MOB3B: variants seen among roughly 807,000 people sequenced by gnomAD.
MOB3B encodes the protein MOB kinase activator-like 2B.
Under a neutral mutation model 18.7 loss-of-function variants are expected in MOB3B, and 7 were observed. The ratio of observed to expected loss-of-function variants is 0.37; its 90% CI spans 0.21 to 0.70. The LOEUF (loss-of-function observed/expected upper bound fraction) is 0.70. MOB3B is among the 30% of genes least tolerant of loss of function. The pLI is 0.52. For missense variants in MOB3B, 253 were observed against 281.3 expected, an observed-to-expected ratio of 0.90 and a Z score of 0.72; for synonymous variants, 111 against 99.9, an observed-to-expected ratio of 1.11 and a Z score of -0.66.
intron 1 of MOB3B, among the ~76,000 whole-genome samples, chr9:27,509,584 T>G (rs568705872): frequency 6.6e-6 from 1 of 151,126 alleles, no homozygotes; most frequent in South Asian, 2.1e-4. Context: ...GCCTGGCTAA[T>G]TTTTGTATTT....
chr9:27,376,543 G>A (rs1230931700), intron 2 of MOB3B, among the ~76,000 whole-genome samples: 1 of 152,226 alleles, frequency 6.6e-6, no homozygotes, highest in Non-Finnish European at 1.5e-5. Flanking sequence ...CTTCCTTTGA[G>A]TATAGCAGTG....
At chr9:27,386,027 G>A (rs1821646919) in intron 2 of MOB3B, among the ~76,000 whole-genome samples, 1 of 152,234 alleles carries the variant, frequency 6.6e-6, no homozygotes, top group Non-Finnish European at 1.5e-5. Context: ...TTGCTGTGCA[G>A]ACATGTGCAA....
chr9:27,409,659 C>A (rs551461259), intron 2 of MOB3B, among the ~76,000 whole-genome samples: 1 of 152,024 alleles, frequency 6.6e-6, no homozygotes, highest in South Asian at 2.1e-4. Context: ...GCATTACTTA[C>A]AATAGCCAAA....
intron 1 of MOB3B, among the ~76,000 whole-genome samples, chr9:27,506,418 T>A (rs1257549803): frequency 6.6e-6 from 1 of 152,196 alleles, no homozygotes; most frequent in South Asian, 2.1e-4. Context: ...GTCTGAAATG[T>A]CTCCTCTCAT....
chr9:27,506,584 T>G (rs1164006415), intron 1 of MOB3B, among the ~76,000 whole-genome samples: 1 of 151,610 alleles, frequency 6.6e-6, no homozygotes, highest in Non-Finnish European at 1.5e-5. Context: ...CAGGCTGGAG[T>G]GCAGTGGCTT....
rs951304236 is a variant in MOB3B, at chr9:27,330,462, C to T, written c.*125G>A. The T allele has an allele frequency of 5.0e-5, 63 of 1,261,336 alleles. No individual in the cohort carries two copies. Among genetic ancestry groups the T allele is most frequent in the Non-Finnish European group, 6.7e-5 (61 of 906,040 alleles). 78.1% of individuals were successfully genotyped at this position (1,261,336 alleles called of 1,614,324 possible). ...GGGGAATGTCTCTCAGGAGTCACTG[C>T]TTGCCTCCACCTCTGCTGTTCCTGG... On this transcript the variant is annotated 3_prime_UTR_variant, in exon 4 of 4. Transcript: ENST00000262244.
chr9:27,467,413 T>C lies in MOB3B; in HGVS notation c.-198-11665A>G, dbSNP rs1049458308. On this transcript the variant is annotated intron_variant, in intron 1 of 3. Transcript: ENST00000262244. Reference sequence around the variant, plus strand: ...AAGTGTTAAATTTATTAATCTGGATTTCTCCTATGATCAGATTTCAGGTGG... The same window carrying C: ...AAGTGTTAAATTTATTAATCTGGATCTCTCCTATGATCAGATTTCAGGTGG... 3.3e-5 allele frequency among the ~76,000 whole-genome samples: 5 copies of C among 152,372 alleles called. No individual in the cohort carries two copies. In the East Asian group the frequency reaches 9.6e-4, roughly 29 times the overall value.
At chr9:27,350,833 T>C (rs1043528234) in intron 3 of MOB3B, among the ~76,000 whole-genome samples, 1 of 151,682 alleles carries the variant, frequency 6.6e-6, no homozygotes, top group Admixed American at 6.6e-5. Flanking sequence ...CAAAGCCCCA[T>C]GAATGCACAC....
At chr9:27,376,698 G>A (rs995736540) in intron 2 of MOB3B, among the ~76,000 whole-genome samples, 1 of 152,226 alleles carries the variant, frequency 6.6e-6, no homozygotes, top group Non-Finnish European at 1.5e-5. Context: ...GCCTACAGAA[G>A]TGATTCTTTA....
chr9:27,521,639 G>T (rs561773105), intron 1 of MOB3B, among the ~76,000 whole-genome samples: 1 of 152,162 alleles, frequency 6.6e-6, no homozygotes, highest in Admixed American at 6.5e-5. Flanking sequence ...GAAGTTATAT[G>T]AGGTATGTAA....
chr9:27,393,167 G>A (rs1162516276), intron 2 of MOB3B, among the ~76,000 whole-genome samples: 1 of 152,146 alleles, frequency 6.6e-6, no homozygotes, highest in African/African-American at 2.4e-5. Flanking sequence ...AAAATGCACA[G>A]GGTACAAGTA....
chr9:27,455,653 A>T lies in MOB3B; in HGVS notation c.-103T>A. The T allele has an allele frequency of 1.3e-6, 2 of 1,568,312 alleles. No individual in the cohort carries two copies. The highest frequency in any genetic ancestry group is 1.7e-6 in the Non-Finnish European group (2 of 1,165,104). The stretch of plus-strand genomic sequence containing the variant: ...ACAGTGTTTTCCACTGCCAGCACTC[A>T]GGCCCCAGTCTTACAGCCTGTAGCT... On this transcript the variant is annotated 5_prime_UTR_variant, in exon 2 of 4. Transcript: ENST00000262244.
intron 2 of MOB3B, among the ~76,000 whole-genome samples, chr9:27,383,070 G>T (rs1194901950): frequency 6.6e-6 from 1 of 152,144 alleles, no homozygotes; most frequent in Non-Finnish European, 1.5e-5. Context: ...GACACTTATT[G>T]TGTGGCAGCC....
intron 2 of MOB3B, among the ~76,000 whole-genome samples, chr9:27,437,426 C>T (rs1356901837): frequency 6.6e-6 from 1 of 152,036 alleles, no homozygotes; most frequent in Non-Finnish European, 1.5e-5. Context: ...TTTTCAAGTC[C>T]TACTAATGAC....
chr9:27,507,064 C>A (rs975656858), intron 1 of MOB3B, among the ~76,000 whole-genome samples: 2 of 152,132 alleles, frequency 1.3e-5, no homozygotes, highest in Non-Finnish European at 2.9e-5. Flanking sequence ...CTGAGTTTTA[C>A]TGTGACTGAT....
In MOB3B at chr9:27,326,609, G is replaced by T. The variant is rs1820715458; in HGVS notation, c.*3978C>A. The stretch of plus-strand genomic sequence containing the variant: ...GATTTTTTCACCAAGGAAGTTACTG[G>T]CATGGTTTGAGAGATAGAAGGAATT... On this transcript the variant is annotated 3_prime_UTR_variant, in exon 4 of 4. Transcript: ENST00000262244. 2 of 398,480 alleles carry T rather than the reference G, an allele frequency of 5.0e-6. No homozygotes were observed. Among genetic ancestry groups the T allele is most frequent in the Non-Finnish European group, 8.8e-6 (2 of 226,010 alleles). The allele number at this position is 398,480 out of a possible 1,614,324, so 24.7% of individuals were successfully genotyped here. A position where few individuals can be genotyped will look rare whatever the true frequency, so the allele number is the denominator to read the frequency against.
In MOB3B at chr9:27,519,876, A is replaced by T. The variant is rs549746458; in HGVS notation, c.-199+9679T>A. Among the ~76,000 whole-genome samples the T allele has an allele frequency of 2.0e-4, 31 of 151,890 alleles. 1 individual carries two copies. The South Asian group carries it at 6.5e-3, about 32-fold the overall frequency. ...CTGAGGCAGTGAGAATGAGTGAAAC[A>T]TCTAGTTGCCAGAGGTGACTGCGTT... On this transcript the variant is annotated intron_variant, in intron 1 of 3. Coordinates refer to ENST00000262244, the MANE Select transcript of MOB3B (RefSeq NM_024761.5).
rs116576187 is a variant in MOB3B at position 27,466,038 on chromosome 9, C to A, written c.-198-10290G>T. On this transcript the variant is annotated intron_variant, in intron 1 of 3. Coordinates refer to ENST00000262244, the MANE Select transcript of MOB3B (RefSeq NM_024761.5). Reference sequence around the variant, plus strand: ...ATTAGGCTCCTTGCTCCTTATGCAGCCGACTTGAATTTCTCCTCAAAAAAT... The same window carrying A: ...ATTAGGCTCCTTGCTCCTTATGCAGACGACTTGAATTTCTCCTCAAAAAAT... Among the ~76,000 whole-genome samples the A allele has an allele frequency of 4.5e-3, 683 of 152,338 alleles. 3 individuals carry two copies. The highest frequency in any genetic ancestry group is 0.015 in the African/African-American group (643 of 41,578).
At chr9:27,462,356 A>G (rs187523753) in intron 1 of MOB3B, among the ~76,000 whole-genome samples, 28 of 152,306 alleles carry the variant, frequency 1.8e-4, no homozygotes, top group Admixed American at 1.7e-3. Context: ...AACAATATCT[A>G]AGTCAGGTGA....
Sources: allele counts gnomAD v4.1 joint callset (sites outside exome capture counted in the v4.1 genomes callset), GRCh38; gene constraint gnomAD v4.1.1; transcripts MANE v1.5; gene names NCBI Gene and HGNC (gene_info 2026-07-23, HGNC 2026-07-21).